Variants in LRMDA observed in about 807,000 individuals in gnomAD.
LRMDA encodes the protein leucine rich melanocyte differentiation associated.
In LRMDA, 18 loss-of-function variants were observed where a neutral mutation model predicts 29.8. The ratio of observed to expected loss-of-function variants is 0.60; its 90% CI spans 0.42 to 0.90. The LOEUF (loss-of-function observed/expected upper bound fraction) is 0.90. Among genes scored for constraint, LRMDA ranks in the 40% least tolerant of loss-of-function variants. LRMDA has a pLI of 0.00. For missense variants in LRMDA, 273 were observed against 273.9 expected (o/e 1.00, Z 0.02); for synonymous variants, 125 against 109.4 (o/e 1.14, Z -0.89).
chr10:76,289,930 GAGAGAA>G (rs1319759248), intron 5 of LRMDA, among the ~76,000 whole-genome samples: 1 of 152,184 alleles, frequency 6.6e-6, no homozygotes, highest in African/African-American at 2.4e-5. Context: ...TGTTGATTCT[GAGAGAA>G]GAATTTTGAG....
At chr10:76,529,713 C>T (rs1022125716) in intron 6 of LRMDA, among the ~76,000 whole-genome samples, 1 of 152,138 alleles carries the variant, frequency 6.6e-6, no homozygotes, top group South Asian at 2.1e-4. Context: ...CTGAATTCTA[C>T]TCTGACTTTT....
chr10:76,433,555 C>T (rs1323308502), intron 6 of LRMDA, among the ~76,000 whole-genome samples: 2 of 152,138 alleles, frequency 1.3e-5, no homozygotes, highest in Admixed American at 6.5e-5. Context: ...TGATGCCTGT[C>T]ACTTTGTGGC....
intron 5 of LRMDA, among the ~76,000 whole-genome samples, chr10:76,244,326 A>T (rs183622564): frequency 6.6e-6 from 1 of 152,162 alleles, no homozygotes. Flanking sequence ...CCATTTTCCT[A>T]CATGATGTTT....
At chr10:75,778,433 A>G (rs1229009317) in intron 2 of LRMDA, among the ~76,000 whole-genome samples, 1 of 152,110 alleles carries the variant, frequency 6.6e-6, no homozygotes, top group African/African-American at 2.4e-5. Context: ...CTGCTCTGTG[A>G]GTATTCCTAG....
intron 2 of LRMDA, among the ~76,000 whole-genome samples, chr10:75,734,087 A>G (rs1466098020): frequency 6.6e-6 from 1 of 152,202 alleles, no homozygotes; most frequent in African/African-American, 2.4e-5. Context: ...GGAGCCCAAG[A>G]TGGATAGGCC....
chr10:76,145,901 C>T (rs1473193269), intron 5 of LRMDA, among the ~76,000 whole-genome samples: 9 of 150,710 alleles, frequency 6.0e-5, no homozygotes, highest in Middle Eastern at 3.4e-3. Context: ...TCTTTGTTCT[C>T]ATTGGTTTCA....
chr10:75,637,095 A>G (rs1841398626), intron 2 of LRMDA, among the ~76,000 whole-genome samples: 1 of 152,214 alleles, frequency 6.6e-6, no homozygotes, highest in East Asian at 1.9e-4. Context: ...TTCTACAGAA[A>G]CTGGTAGAGT....
At chr10:76,192,451 G>A (rs966822611) in intron 5 of LRMDA, among the ~76,000 whole-genome samples, 1 of 152,180 alleles carries the variant, frequency 6.6e-6, no homozygotes, top group Admixed American at 6.5e-5. Flanking sequence ...CATGCAGATG[G>A]AACTTCTTGA....
intron 5 of LRMDA, among the ~76,000 whole-genome samples, chr10:76,091,058 G>C (rs1272399601): frequency 1.3e-5 from 2 of 152,134 alleles, no homozygotes; most frequent in Admixed American, 6.5e-5. Context: ...CCAGCTTTAG[G>C]GACTTGGGTA....
chr10:76,077,077 G>T (rs946656602), intron 5 of LRMDA, among the ~76,000 whole-genome samples: 3 of 152,070 alleles, frequency 2.0e-5, no homozygotes, highest in African/African-American at 4.8e-5. Flanking sequence ...ACCAGTTCTT[G>T]GTTTTATATA....
chr10:76,363,753 C>A (rs560719390), intron 6 of LRMDA, among the ~76,000 whole-genome samples: 2 of 151,716 alleles, frequency 1.3e-5, no homozygotes, highest in Admixed American at 1.3e-4. Flanking sequence ...TTCTTAAAGG[C>A]GAAGTTATTT....
At chr10:76,357,959 A>G (rs763186243) in intron 6 of LRMDA, among the ~76,000 whole-genome samples, 1 of 152,192 alleles carries the variant, frequency 6.6e-6, no homozygotes, top group Non-Finnish European at 1.5e-5. Context: ...AACAGGAAAG[A>G]CAAGCACAAT....
chr10:76,162,394 A>C (rs1327328229), intron 5 of LRMDA, among the ~76,000 whole-genome samples: 1 of 152,212 alleles, frequency 6.6e-6, no homozygotes, highest in East Asian at 1.9e-4. Context: ...ATCCTGTATT[A>C]GTCAATTCTC....
At chr10:76,240,861 CATAT>C (rs1175708067) in intron 5 of LRMDA, among the ~76,000 whole-genome samples, 1 of 122,364 alleles carries the variant, frequency 8.2e-6, no homozygotes, top group Admixed American at 8.6e-5. Context: ...TATATATATA[CATAT>C]ATATATACGC....
At chr10:75,911,500 C>G (rs904315627) in intron 2 of LRMDA, among the ~76,000 whole-genome samples, 1 of 152,202 alleles carries the variant, frequency 6.6e-6, no homozygotes, top group Non-Finnish European at 1.5e-5. Context: ...GATGTAGGTA[C>G]ATTTTCTCAA....
intron 2 of LRMDA, among the ~76,000 whole-genome samples, chr10:75,825,301 G>A (rs138146703): frequency 3.3e-4 from 51 of 152,294 alleles, no homozygotes; most frequent in African/African-American, 1.1e-3. Flanking sequence ...CAAACTTTGG[G>A]TGGTGTTAAT....
intron 2 of LRMDA, among the ~76,000 whole-genome samples, chr10:75,750,992 C>G (rs774528565): frequency 1.2e-4 from 18 of 152,164 alleles, no homozygotes; most frequent in Non-Finnish European, 2.5e-4. Context: ...TGTAGCCAGC[C>G]GAGATCACGC....
At chr10:76,208,829 G>C (rs1004878216) in intron 5 of LRMDA, among the ~76,000 whole-genome samples, 1 of 152,006 alleles carries the variant, frequency 6.6e-6, no homozygotes, top group Non-Finnish European at 1.5e-5. Flanking sequence ...CCAGGCCCTC[G>C]GCACTGGTGT....
At position 75,834,438 on chromosome 10, in the gene LRMDA, A is replaced by C. The variant is rs1344763755; in HGVS notation, c.132-201570A>C. Among the ~76,000 whole-genome samples, 3 of 152,210 alleles carry C rather than the reference A, an allele frequency of 2.0e-5. No homozygotes were observed. In the East Asian group the frequency reaches 5.8e-4, roughly 29 times the overall value. ...TCTTTCTAGAGTATCCCTTCATGGC[A>C]GTGAACCTCCTAATTTTAACCTTCT... On this transcript the variant is annotated intron_variant, in intron 2 of 6. Transcript: ENST00000611255.
Sources: gnomAD v4.1 joint callset for allele counts (sites outside exome capture counted in the v4.1 genomes callset) on GRCh38, gnomAD v4.1.1 for gene constraint, MANE v1.5 for transcripts, NCBI Gene and HGNC (gene_info 2026-07-23, HGNC 2026-07-21) for gene names.